EEF2KMT: variants seen among roughly 807,000 people sequenced by gnomAD.
The protein encoded by EEF2KMT is protein-lysine N-methyltransferase EEF2KMT.
A neutral mutation model predicts 35.1 loss-of-function variants in EEF2KMT; 30 were observed. The observed-to-expected ratio is 0.85, with a 90% confidence interval of 0.64 to 1.16. The LOEUF (loss-of-function observed/expected upper bound fraction) is 1.16. EEF2KMT is among the 50% of genes most tolerant of loss of function. EEF2KMT has a pLI of 0.00. For missense variants in EEF2KMT, 499 were observed against 438.2 expected (o/e 1.14, Z -1.24); for synonymous variants, 190 against 187.7 (o/e 1.01, Z -0.10).
intron 1 of EEF2KMT, 30 bp from the exon 2 acceptor site, chr16:5,095,544 A>G (rs1252343471): frequency 1.2e-6 from 2 of 1,610,824 alleles, no homozygotes; most frequent in African/African-American, 1.3e-5. Context: ...AGAAATCTCA[A>G]GGGCGCATTC....
chr16:5,092,591 C>T (rs1327943055), intron 3 of EEF2KMT, among the ~76,000 whole-genome samples: 1 of 152,240 alleles, frequency 6.6e-6, no homozygotes, highest in Non-Finnish European at 1.5e-5. Flanking sequence ...CTCTTTCACT[C>T]AGCAGGTCTG....
chr16:5,086,936 C>T (rs962039953), intron 7 of EEF2KMT: 1 of 152,204 alleles, frequency 6.6e-6, no homozygotes, highest in Admixed American at 6.5e-5. Flanking sequence ...AAGCCTCAGC[C>T]TCTTACAGTG....
At chr16:5,097,413 C>G in intron 1 of EEF2KMT, 2 of 1,457,012 alleles carry the variant, frequency 1.4e-6, no homozygotes, top group Non-Finnish European at 1.8e-6. Context: ...GCGTCTGCCC[C>G]CCAAGGCTGT....
rs1459072148 is a variant in EEF2KMT, at chr16:5,097,698, C to G, written c.42G>C (p.Gln14His). 6.3e-7 allele frequency: 1 copy of G among 1,581,852 alleles called. No homozygotes were observed. The highest frequency in any genetic ancestry group is 8.6e-7 in the Non-Finnish European group (1 of 1,169,158). Residue 14 changes from glutamine (Q) to histidine (H), a missense_variant, in exon 1 of 8, where the codon CAG becomes CAC. Transcript: ENST00000427587. ...EENAGTELLLQSFERRFLAAR... is the reference protein window; with the variant it reads ...EENAGTELLLHSFERRFLAAR... ...CCGCCAGGAAGCGGCGCTCGAAACT[C>G]TGCAGCAAGAGTTCGGTCCCCGCGT... is the stretch of plus-strand genomic sequence containing the variant.
intron 1 of EEF2KMT, among the ~76,000 whole-genome samples, chr16:5,096,751 C>G (rs1212211518): frequency 6.6e-6 from 1 of 152,136 alleles, no homozygotes; most frequent in African/African-American, 2.4e-5. Context: ...TAGTACCCAC[C>G]TCGTGGGTGT....
At chr16:5,086,587 G>A (rs1236149943) in intron 7 of EEF2KMT, 2 of 152,064 alleles carry the variant, frequency 1.3e-5, no homozygotes. Context: ...GATGACAGGT[G>A]CGTGCCACCA....
At chr16:5,089,070 A>G (rs754370541) in intron 7 of EEF2KMT, 37 bp downstream of exon 7, 313 of 1,610,488 alleles carry the variant, frequency 1.9e-4, no homozygotes, top group South Asian at 8.2e-4. Flanking sequence ...GGGACAGCTC[A>G]GGGACCATGC....
At chr16:5,089,756 C>G (rs1036688300) in intron 6 of EEF2KMT, among the ~76,000 whole-genome samples, 2 of 152,134 alleles carry the variant, frequency 1.3e-5, no homozygotes, top group African/African-American at 4.8e-5. Flanking sequence ...CAAACACCAC[C>G]TTCTCTCAAG....
At chr16:5,091,446 G>A (rs1463469312) in intron 4 of EEF2KMT, among the ~76,000 whole-genome samples, 1 of 151,892 alleles carries the variant, frequency 6.6e-6, no homozygotes, top group Non-Finnish European at 1.5e-5. Flanking sequence ...TCGAACTCCT[G>A]ACCTCAGATG....
chr16:5,091,567 G>A (rs573942093), intron 4 of EEF2KMT, among the ~76,000 whole-genome samples: 3 of 152,236 alleles, frequency 2.0e-5, no homozygotes, highest in Non-Finnish European at 4.4e-5. Flanking sequence ...AGCAGGTAGT[G>A]TGTGTCACCT....
chr16:5,090,311 C>A lies in EEF2KMT; in HGVS notation c.515G>T (p.Gly172Val), dbSNP rs1341897727. The A allele has an allele frequency of 3.1e-6, 5 of 1,603,238 alleles. No individual in the cohort carries two copies. Among genetic ancestry groups the A allele is most frequent in the East Asian group, 4.5e-5 (2 of 44,784 alleles). Reference protein sequence around the residue: ...LELGSGAGLTGLAICKMCRPR... With the variant: ...LELGSGAGLTVLAICKMCRPR... ...GCGGCACATCTTGCAGATGGCCAGG[C>A]CTGTGAGGCCAGCACCACTGCCAAG... The change falls in exon 6 of 8, where the codon GGC becomes GTC. Residue 172 changes from glycine to valine, a missense_variant. Gly to Val is a moderately radical substitution (Grantham distance 109). Coordinates refer to ENST00000427587, the MANE Select transcript of EEF2KMT (RefSeq NM_201400.4). This position sits in a 1 kb window ranked among gnomAD's most constrained non-coding sequence, Gnocchi z 4.1.
intron 1 of EEF2KMT, among the ~76,000 whole-genome samples, chr16:5,095,882 A>G (rs9674224): frequency 0.88 from 107,894 of 123,108 alleles, 47,578 homozygotes; most frequent in Middle Eastern, 0.93. Context: ...GAGTTACATT[A>G]TCCTCTTACA....
Position 5,085,119 on chromosome 16 carries a change from T to C in EEF2KMT, c.*513A>G, listed in dbSNP as rs1957110074. On this transcript the variant is annotated 3_prime_UTR_variant, in exon 8 of 8. Transcript: ENST00000427587. ...CTCTTCTTCTGTTCTTCACGCCCCA[T>C]GCCCCTGCTAGCGTATTACTGTTCT... 3 of 699,038 alleles carry C rather than the reference T, an allele frequency of 4.3e-6. No individual in the cohort carries two copies. In the East Asian group the frequency reaches 8.2e-5, roughly 19 times the overall value. 43.3% of individuals were successfully genotyped at this position (699,038 alleles called of 1,614,324 possible). A position where few individuals can be genotyped will look rare whatever the true frequency, so the allele number is the denominator to read the frequency against.
intron 3 of EEF2KMT, among the ~76,000 whole-genome samples, chr16:5,092,754 G>C (rs1293676503): frequency 6.6e-6 from 1 of 152,178 alleles, no homozygotes; most frequent in Non-Finnish European, 1.5e-5. Flanking sequence ...CCTGAGGTCA[G>C]GAGTTCGAGA....
Position 5,084,482 on chromosome 16 carries a change from C to T in EEF2KMT, c.*1150G>A, listed in dbSNP as rs1456705281. ...CCAGAGGCCGAGAGGAGGGTGCTCA[C>T]AGGGGAATGGGCAGCACGTAGAGGC... On this transcript the variant is annotated 3_prime_UTR_variant, in exon 8 of 8. Coordinates refer to ENST00000427587, the MANE Select transcript of EEF2KMT (RefSeq NM_201400.4). 22 of 597,466 alleles carry T rather than the reference C, an allele frequency of 3.7e-5. No homozygotes were observed. The highest frequency in any genetic ancestry group is 5.3e-5 in the Non-Finnish European group (18 of 338,026). The allele number at this position is 597,466 out of a possible 1,614,324, so 37.0% of individuals were successfully genotyped here. A position where few individuals can be genotyped will look rare whatever the true frequency, so the allele number is the denominator to read the frequency against.
intron 7 of EEF2KMT, among the ~76,000 whole-genome samples, chr16:5,087,973 G>C (rs1222343493): frequency 7.4e-6 from 1 of 134,374 alleles, no homozygotes; most frequent in Non-Finnish European, 1.6e-5. Context: ...ACAGGGTCTT[G>C]CTCTGTTGCC....
intron 4 of EEF2KMT, among the ~76,000 whole-genome samples, chr16:5,091,381 C>T (rs1185732842): frequency 2.0e-5 from 3 of 152,130 alleles, no homozygotes; most frequent in Non-Finnish European, 2.9e-5. Context: ...CACGCCCGGC[C>T]TGATTTTTGT....
chr16:5,092,188 G>C (rs1957353544), intron 3 of EEF2KMT, among the ~76,000 whole-genome samples: 1 of 152,176 alleles, frequency 6.6e-6, no homozygotes, highest in Admixed American at 6.5e-5. Flanking sequence ...CTGGATGGGA[G>C]GGCCTTGAAC....
rs762145426 is a variant in EEF2KMT at position 5,084,872 on chromosome 16, G to C, written c.*760C>G. 2 of 1,595,080 alleles carry C rather than the reference G, an allele frequency of 1.3e-6. No individual in the cohort carries two copies. Among genetic ancestry groups the C allele is most frequent in the East Asian group, 4.5e-5 (2 of 44,850 alleles). On this transcript the variant is annotated 3_prime_UTR_variant, in exon 8 of 8. Transcript: ENST00000427587. ...TGCAGACTGTGCTCCCTTTGGTTAT[G>C]GACACATAACTCCTGGGCCAGAGGC...
Sources: allele counts gnomAD v4.1 joint callset (sites outside exome capture counted in the v4.1 genomes callset), GRCh38; gene constraint gnomAD v4.1.1; non-coding constraint Gnocchi (gnomAD v3.1); transcripts MANE v1.5; gene names NCBI Gene and HGNC (gene_info 2026-07-23, HGNC 2026-07-21).